The following NFIC variants were observed in gnomAD, a reference collection of about 807,000 sequenced individuals.
The protein encoded by NFIC is nuclear factor 1 C-type.
In NFIC, 12 loss-of-function variants were observed where a neutral mutation model predicts 54.4. The observed-to-expected ratio is 0.22, with a 90% CI of 0.14 to 0.36. The LOEUF (loss-of-function observed/expected upper bound fraction) is 0.36, where lower values mean the gene tolerates loss of function less well. NFIC is among the 10% of genes least tolerant of loss of function. The pLI is 1.00. For synonymous variants in NFIC, 322 were observed against 319.2 expected, an observed-to-expected ratio of 1.01 and a Z score of -0.09; for missense variants, 575 against 718.2, an observed-to-expected ratio of 0.80 and a Z score of 2.28.
chr19:3,463,565 T>C lies in NFIC; in HGVS notation c.*796T>C, dbSNP rs1014249017. On this transcript the variant is annotated 3_prime_UTR_variant, in exon 11 of 11. Transcript: ENST00000443272. ...GACTCGCTGTCTCGCTGGGGACTCT[T>C]TCAGCCCTCGCGCCCGCCCGTTTGG... 24 of 983,736 alleles carry C rather than the reference T, an allele frequency of 2.4e-5. No individual in the cohort carries two copies. In the East Asian group the frequency reaches 1.8e-3, roughly 72 times the overall value. The allele number at this position is 983,736 out of a possible 1,614,324, so 60.9% of individuals were successfully genotyped here. A position where few individuals can be genotyped will look rare whatever the true frequency, so the allele number is the denominator to read the frequency against.
intron 3 of NFIC, among the ~76,000 whole-genome samples, chr19:3,426,241 T>TA (rs1259906408): frequency 2.0e-5 from 3 of 151,920 alleles, no homozygotes; most frequent in African/African-American, 7.3e-5. Flanking sequence ...CTTTTTTTTT[T>TA]AATTTTTTAA....
intron 2 of NFIC, among the ~76,000 whole-genome samples, chr19:3,404,419 G>A (rs1011695579): frequency 2.6e-5 from 4 of 152,186 alleles, no homozygotes. Context: ...TGGGGAGGGG[G>A]CGCGGAGGCG....
intron 2 of NFIC, among the ~76,000 whole-genome samples, chr19:3,397,163 T>C (rs967962139): frequency 1.3e-5 from 2 of 151,992 alleles, no homozygotes; most frequent in East Asian, 1.9e-4. Flanking sequence ...CCCGCTGAGG[T>C]TGGAATGATC....
Position 3,459,146 on chromosome 19 carries a change from C to G in NFIC, c.1509+2511C>G, listed in dbSNP as rs780911512. On this transcript the variant is annotated intron_variant, in intron 10 of 10. Transcript: ENST00000443272. The surrounding 1 kb of genome is among the most constrained non-coding windows in gnomAD (Gnocchi z 4.2). ...CACTTCTGCCTCCGCCTCCTCTATT[C>G]CTGGCGGATTCGCTTCCCTCTGCCC... 1.3e-5 allele frequency among the ~76,000 whole-genome samples: 2 copies of G among 152,130 alleles called. No individual in the cohort carries two copies. Among genetic ancestry groups the G allele is most frequent in the Non-Finnish European group, 2.9e-5 (2 of 68,000 alleles).
In NFIC at chr19:3,467,215, C is replaced by CA. The variant is rs1036550005; in HGVS notation, c.*4446_*4447insA. 1 of 119,724 alleles carries CA rather than the reference C, an allele frequency of 8.4e-6. No homozygotes were observed. Among genetic ancestry groups the CA allele is most frequent in the Admixed American group, 8.3e-5 (1 of 12,002 alleles). 7.4% of individuals were successfully genotyped at this position (119,724 alleles called of 1,614,324 possible). A position where few individuals can be genotyped will look rare whatever the true frequency, so the allele number is the denominator to read the frequency against. ...ATGGACACCACACCTATGCCAGGCC[C>CA]CCCCCCCCACCCCAGTCTCATTCTG... is the stretch of plus-strand genomic sequence containing the variant. On this transcript the variant is annotated 3_prime_UTR_variant, in exon 11 of 11. Transcript: ENST00000443272.
Position 3,371,880 on chromosome 19 carries a change from T to TCTCC in NFIC, c.30+5215_30+5218dup, listed in dbSNP as rs2081016705. 3.2e-5 allele frequency among the ~76,000 whole-genome samples: 4 copies of TCTCC among 124,148 alleles called. No individual in the cohort carries two copies. In the South Asian group the frequency reaches 7.6e-4, roughly 24 times the overall value. The allele number at this position is 124,148 out of a possible 152,430, so 81.4% of individuals were successfully genotyped here. On this transcript the variant is annotated intron_variant, in intron 1 of 10. Transcript: ENST00000443272. ...TTCTTTTCTTTCTTTTTTCTTTCTC[T>TCTCC]CTCCTTCCTTCCTTCCTTCCTTCCT...
Position 3,366,604 on chromosome 19 carries a change from C to A in NFIC, c.-33C>A. ...ACTCAGTAAGTTCAGCGCGCCCGCT[C>A]CGGCCGGCCCTGCGCCTCCCGCCGC... On this transcript the variant is annotated 5_prime_UTR_variant, in exon 1 of 11. Coordinates refer to ENST00000443272, the MANE Select transcript of NFIC (RefSeq NM_001245002.2). 6.9e-7 allele frequency: 1 copy of A among 1,453,104 alleles called. No homozygotes were observed. The highest frequency in any genetic ancestry group is 9.2e-7 in the Non-Finnish European group (1 of 1,088,894). 90.0% of individuals were successfully genotyped at this position (1,453,104 alleles called of 1,614,324 possible).
At chr19:3,429,253 T>TATACACACACACACAC in intron 3 of NFIC, among the ~76,000 whole-genome samples, 1 of 50,810 alleles carries the variant, frequency 2.0e-5, no homozygotes. Flanking sequence ...AAAAAATATA[T>TATACACACACACACAC]ACACACACAC....
At chr19:3,433,413 A>G in intron 3 of NFIC, 105 bp from the exon 4 acceptor site, 3 of 1,143,362 alleles carry the variant, frequency 2.6e-6, no homozygotes, top group Admixed American at 1.8e-5. Context: ...GACAGGGGGA[A>G]CGTCCAGGCT....
chr19:3,363,227 A>ATGTGTGTGTGTGTGTGTGCGCG (rs1236874934), upstream of NFIC, among the ~76,000 whole-genome samples: 2 of 45,164 alleles, frequency 4.4e-5, no homozygotes, highest in African/African-American at 9.4e-5. Context: ...ATGTATATGT[A>ATGTGTGTGTGTGTGTGTGCGCG]TGTGTATGTG....
intron 1 of NFIC, among the ~76,000 whole-genome samples, chr19:3,366,881 G>C (rs2080897980): frequency 6.6e-6 from 1 of 151,022 alleles, no homozygotes; most frequent in Non-Finnish European, 1.5e-5. Context: ...GACCCCCTAC[G>C]CGGGACTCCC....
At chr19:3,399,476 C>T (rs546917295) in intron 2 of NFIC, among the ~76,000 whole-genome samples, 3 of 152,162 alleles carry the variant, frequency 2.0e-5, no homozygotes, top group East Asian at 1.9e-4. Context: ...CTCGAGAGGT[C>T]GCGGCAGGAG....
chr19:3,386,299 A>G (rs1203669645), intron 2 of NFIC, among the ~76,000 whole-genome samples: 1 of 140,512 alleles, frequency 7.1e-6, no homozygotes, highest in African/African-American at 2.6e-5. Context: ...TGAGGCAAGG[A>G]TCATTGCTGT....
upstream of NFIC, among the ~76,000 whole-genome samples, chr19:3,361,697 C>T (rs886581976): frequency 5.9e-5 from 9 of 152,202 alleles, no homozygotes; most frequent in South Asian, 2.1e-4. Flanking sequence ...CACCATCCCT[C>T]ACACCCACTC....
At chr19:3,396,408 C>T (rs1454308665) in intron 2 of NFIC, among the ~76,000 whole-genome samples, 3 of 148,452 alleles carry the variant, frequency 2.0e-5, no homozygotes, top group Non-Finnish European at 4.4e-5. Context: ...GGAGGCGGAG[C>T]TTGCAGTGAG....
chr19:3,377,417 C>T (rs899205250), intron 1 of NFIC, among the ~76,000 whole-genome samples: 1 of 150,130 alleles, frequency 6.7e-6, no homozygotes, highest in African/African-American at 2.5e-5. Flanking sequence ...ACAATGTAGT[C>T]CTTTGAGAGC....
chr19:3,383,618 G>C (rs756763957), intron 2 of NFIC, among the ~76,000 whole-genome samples: 7 of 152,172 alleles, frequency 4.6e-5, no homozygotes, highest in Non-Finnish European at 8.8e-5. Flanking sequence ...TGCATCCCAA[G>C]ACCTGAGTGG....
At chr19:3,408,463 A>G (rs1021742030) in intron 2 of NFIC, among the ~76,000 whole-genome samples, 1 of 151,764 alleles carries the variant, frequency 6.6e-6, no homozygotes, top group African/African-American at 2.4e-5. Context: ...TTTTCTTGAG[A>G]CAGGGTTTCA....
chr19:3,366,851 C>A (rs1479296742), intron 1 of NFIC, among the ~76,000 whole-genome samples, 185 bp downstream of exon 1: 1 of 151,866 alleles, frequency 6.6e-6, no homozygotes, highest in Non-Finnish European at 1.5e-5. Flanking sequence ...GGTACCCCCC[C>A]CACACCCTTA....
Sources: gnomAD v4.1 joint callset for allele counts (sites outside exome capture counted in the v4.1 genomes callset) on GRCh38, gnomAD v4.1.1 for gene constraint, Gnocchi (gnomAD v3.1) non-coding constraint, MANE v1.5 for transcripts, NCBI Gene and HGNC (gene_info 2026-07-23, HGNC 2026-07-21) for gene names.